Variants in PPARA observed in about 807,000 individuals in gnomAD.
The protein encoded by PPARA is peroxisome proliferator activated receptor alpha.
A neutral mutation model predicts 42.2 loss-of-function variants in PPARA; 22 were observed. The observed-to-expected ratio is 0.52, with a 90% confidence interval of 0.37 to 0.74. The LOEUF (loss-of-function observed/expected upper bound fraction) is 0.74. PPARA is among the 30% of genes least tolerant of loss of function. The pLI, the probability that PPARA is intolerant of heterozygous loss-of-function variation, is 0.00. For synonymous variants in PPARA, 242 were observed against 239.3 expected, an observed-to-expected ratio of 1.01 and a Z score of -0.10; for missense variants, 465 against 608.2, an observed-to-expected ratio of 0.76 and a Z score of 2.48.
At chr22:46,189,903 C>T (rs1371563875) in intron 3 of PPARA, among the ~76,000 whole-genome samples, 3 of 152,032 alleles carry the variant, frequency 2.0e-5, no homozygotes, top group African/African-American at 7.3e-5. Flanking sequence ...GATGGGGTTT[C>T]ACCATGTTGG....
intron 2 of PPARA, among the ~76,000 whole-genome samples, chr22:46,154,331 A>T (rs919535196): frequency 1.3e-5 from 2 of 152,194 alleles, no homozygotes; most frequent in African/African-American, 4.8e-5. Context: ...ATAAATATTT[A>T]AGTAGCCTGG....
In PPARA at chr22:46,233,056, A is replaced by G. The variant is rs71313038; in HGVS notation, c.1159+817A>G. On this transcript the variant is annotated intron_variant, in intron 8 of 8. Transcript: ENST00000407236. The surrounding 1 kb of genome is among the most constrained non-coding windows in gnomAD (Gnocchi z 7.3). The stretch of plus-strand genomic sequence containing the variant: ...GTTTATATTATATCTAATATTATAA[A>G]CAGATATAATTTATATATTATGATA... Among the ~76,000 whole-genome samples the G allele has an allele frequency of 6.6e-6, 1 of 151,006 alleles. No homozygotes were observed. The highest frequency in any genetic ancestry group is 2.4e-5 in the African/African-American group (1 of 41,264).
chr22:46,199,178 G>A (rs554120242), intron 4 of PPARA, among the ~76,000 whole-genome samples: 7 of 152,222 alleles, frequency 4.6e-5, no homozygotes, highest in African/African-American at 1.4e-4. Flanking sequence ...GCAAGCCCGC[G>A]GGGGGCAGCT....
Position 46,219,998 on chromosome 22 carries a change from A to G in PPARA, c.695A>G (p.Lys232Arg). Residue 232 changes from lysine (K) to arginine (R), a missense_variant, in exon 7 of 9, where the codon AAG becomes AGG. By Grantham distance (26) the Lys-to-Arg change is conservative (BLOSUM62 2). This residue lies in a region of PPARA where 313 missense variants were observed against 469.1 expected (regional missense o/e 0.67). Coordinates refer to ENST00000407236, the MANE Select transcript of PPARA (RefSeq NM_005036.6). This position sits in a 1 kb window ranked among gnomAD's most constrained non-coding sequence, Gnocchi z 4.8. ...KVKARVILSG[K>R]ASNNPPFVIH... The stretch of plus-strand genomic sequence containing the variant: ...AAAGCCCGGGTCATCCTCTCAGGAA[A>G]GGCCAGTAACAATCCAGTAGGTGTT... 1 of 1,614,148 alleles carries G rather than the reference A, an allele frequency of 6.2e-7. No individual in the cohort carries two copies. The highest frequency in any genetic ancestry group is 8.5e-7 in the Non-Finnish European group (1 of 1,180,046).
At chr22:46,169,155 CAA>C (rs994836866) in intron 2 of PPARA, among the ~76,000 whole-genome samples, 2 of 151,910 alleles carry the variant, frequency 1.3e-5, no homozygotes, top group East Asian at 1.9e-4. Flanking sequence ...ATGTACAACA[CAA>C]AGAGTGAAAA....
rs1250436810 is a variant in PPARA at position 46,195,019 on chromosome 22, C to T, written c.-42-3323C>T. Among the ~76,000 whole-genome samples the T allele has an allele frequency of 6.6e-6, 1 of 150,694 alleles. No homozygotes were observed. The highest frequency in any genetic ancestry group is 1.5e-5 in the Non-Finnish European group (1 of 67,836). Reference sequence around the variant, plus strand: ...CTGGGTTCAAGCGATTCTCTTGCCTCAGTCTCCTGAGTAGCTGGGATTACA... The same window carrying T: ...CTGGGTTCAAGCGATTCTCTTGCCTTAGTCTCCTGAGTAGCTGGGATTACA... On this transcript the variant is annotated intron_variant, in intron 3 of 8. Coordinates refer to ENST00000407236, the MANE Select transcript of PPARA (RefSeq NM_005036.6). The surrounding 1 kb of genome is among the most constrained non-coding windows in gnomAD (Gnocchi z 4.6).
rs1041546831 is a variant in PPARA at position 46,195,149 on chromosome 22, C to T, written c.-42-3193C>T. On this transcript the variant is annotated intron_variant, in intron 3 of 8. Transcript: ENST00000407236. This position sits in a 1 kb window ranked among gnomAD's most constrained non-coding sequence, Gnocchi z 4.6. ...AACTCCTGACCTTAAGTGATCTGCCCGCCTCAGCCTCCCAAAGTGCTGGGA... is the reference window on the plus strand; with the variant it reads ...AACTCCTGACCTTAAGTGATCTGCCTGCCTCAGCCTCCCAAAGTGCTGGGA... Among the ~76,000 whole-genome samples the T allele has an allele frequency of 8.6e-5, 13 of 151,948 alleles. No individual in the cohort carries two copies. Among genetic ancestry groups the T allele is most frequent in the Admixed American group, 3.9e-4 (6 of 15,258 alleles).
rs776110576 is a variant in PPARA at position 46,183,740 on chromosome 22, CCAAAACAAAA to C, written c.-43+6920_-43+6929del. Among the ~76,000 whole-genome samples the C allele has an allele frequency of 2.6e-5, 4 of 152,100 alleles. No individual in the cohort carries two copies. Among genetic ancestry groups the C allele is most frequent in the African/African-American group, 4.8e-5 (2 of 41,478 alleles). ...TGGGTGAAAGAAGGAAACTCTGTGT[CCAAAACAAAA>C]CAAAACAAAACAAAAAAAGCTAAAT... On this transcript the variant is annotated intron_variant, in intron 3 of 8. Transcript: ENST00000407236. This position sits in a 1 kb window ranked among gnomAD's most constrained non-coding sequence, Gnocchi z 5.5.
chr22:46,189,994 T>C (rs893932272), intron 3 of PPARA, among the ~76,000 whole-genome samples: 4 of 152,180 alleles, frequency 2.6e-5, no homozygotes, highest in Non-Finnish European at 4.4e-5. Flanking sequence ...CATGAGCGAC[T>C]GCGCCCAGCC....
chr22:46,152,647 G>A (rs1036922109), intron 2 of PPARA, among the ~76,000 whole-genome samples: 12 of 152,128 alleles, frequency 7.9e-5, no homozygotes, highest in Non-Finnish European at 1.6e-4. Context: ...TAAGCAGATG[G>A]CTTCTTGAGA....
In PPARA at chr22:46,203,006, G is replaced by A. The variant is rs1026313697; in HGVS notation, c.208+4415G>A. 6.6e-6 allele frequency among the ~76,000 whole-genome samples: 1 copy of A among 152,138 alleles called. No individual in the cohort carries two copies. Among genetic ancestry groups the A allele is most frequent in the African/African-American group, 2.4e-5 (1 of 41,424 alleles). On this transcript the variant is annotated intron_variant, in intron 4 of 8. Coordinates refer to ENST00000407236, the MANE Select transcript of PPARA (RefSeq NM_005036.6). The surrounding 1 kb of genome is among the most constrained non-coding windows in gnomAD (Gnocchi z 5.8). ...AAAGTGACCACACTGAAGCGTCCTG[G>A]TCACCCATCCCTGGTTTTGACCACC...
chr22:46,208,429 T>G (rs143313093), intron 4 of PPARA, among the ~76,000 whole-genome samples: 2,229 of 151,740 alleles, frequency 0.015, 53 homozygotes, highest in African/African-American at 0.051. Context: ...ACGCCTATAG[T>G]CCTAGCTACT....
In PPARA at chr22:46,184,046, A is replaced by T. The variant is rs952321332; in HGVS notation, c.-43+7210A>T. ...GGTTGCTGTTACCAGGAAGTGAGTT[A>T]ATGCACATTAGGTTCTTATTTATGA... On this transcript the variant is annotated intron_variant, in intron 3 of 8. Transcript: ENST00000407236. The surrounding 1 kb of genome is among the most constrained non-coding windows in gnomAD (Gnocchi z 4.4). Among the ~76,000 whole-genome samples the T allele has an allele frequency of 3.9e-5, 6 of 152,174 alleles. No homozygotes were observed. The highest frequency in any genetic ancestry group is 3.9e-4 in the Admixed American group (6 of 15,282).
At position 46,198,531 on chromosome 22, in the gene PPARA, G is replaced by C; in HGVS notation, c.148G>C (p.Gly50Arg). The change falls in exon 4 of 9, where the codon GGC (glycine) becomes CGC (arginine). Residue 50 changes from glycine (G) to arginine (R), a missense_variant. Around this residue, in one of 2 missense-constraint regions of PPARA, gnomAD observed 152 missense variants for 139.1 expected, o/e 1.09. Transcript: ENST00000407236. ...CGGCGAGGATAGTTCTGGAAGCTTT[G>C]GCTTTACGGAATACCAGTATTTAGG... is the stretch of plus-strand genomic sequence containing the variant. The part of the protein sequence containing the change: ...SIGEDSSGSF[G>R]FTEYQYLGSC... The C allele has an allele frequency of 6.2e-7, 1 of 1,614,070 alleles. No individual in the cohort carries two copies. Among genetic ancestry groups the C allele is most frequent in the Non-Finnish European group, 8.5e-7 (1 of 1,180,008 alleles).
intron 2 of PPARA, among the ~76,000 whole-genome samples, chr22:46,174,027 A>G (rs544635434): frequency 6.6e-6 from 1 of 151,246 alleles, no homozygotes; most frequent in African/African-American, 2.4e-5. Flanking sequence ...AAATACAAAG[A>G]ATTAGCTGGG....
rs1284900076 is a variant in PPARA, at chr22:46,227,775, G to A, written c.712-4017G>A. Among the ~76,000 whole-genome samples the A allele has an allele frequency of 3.9e-5, 6 of 152,180 alleles. No individual in the cohort carries two copies. Among genetic ancestry groups the A allele is most frequent in the Non-Finnish European group, 8.8e-5 (6 of 68,032 alleles). ...GTGCTTTATTTCATTTATTTGAAAT[G>A]ACTGCCTGTCGTGTCAGATATATTC... On this transcript the variant is annotated intron_variant, in intron 7 of 8. Transcript: ENST00000407236. The surrounding 1 kb of genome is among the most constrained non-coding windows in gnomAD (Gnocchi z 4.3).
intron 4 of PPARA, among the ~76,000 whole-genome samples, chr22:46,205,555 T>TATATATATATATATA (rs1491143261): frequency 9.7e-4 from 13 of 13,386 alleles, no homozygotes; most frequent in Non-Finnish European, 1.6e-3. Flanking sequence ...TATATATATA[T>TATATATATATATATA]TTTTTTTTTT....
intron 4 of PPARA, among the ~76,000 whole-genome samples, chr22:46,198,994 C>G (rs1333238579): frequency 6.6e-6 from 1 of 152,148 alleles, no homozygotes; most frequent in Non-Finnish European, 1.5e-5. Flanking sequence ...AGAAGTCACA[C>G]TTTTTTGCAA....
chr22:46,192,861 G>A lies in PPARA; in HGVS notation c.-42-5481G>A, dbSNP rs1931745484. ...GGAACTGGAGATCATTATGTTAAGT[G>A]AAATAATCCAGGCACAGAAAGACAA... On this transcript the variant is annotated intron_variant, in intron 3 of 8. Coordinates refer to ENST00000407236, the MANE Select transcript of PPARA (RefSeq NM_005036.6). This position sits in a 1 kb window ranked among gnomAD's most constrained non-coding sequence, Gnocchi z 4.3. 6.6e-6 allele frequency among the ~76,000 whole-genome samples: 1 copy of A among 152,164 alleles called. No individual in the cohort carries two copies. Among genetic ancestry groups the A allele is most frequent in the Non-Finnish European group, 1.5e-5 (1 of 68,034 alleles).
Sources: allele counts gnomAD v4.1 joint callset (sites outside exome capture counted in the v4.1 genomes callset), GRCh38; gene constraint gnomAD v4.1.1; regional missense constraint gnomAD v4.1.1; non-coding constraint Gnocchi (gnomAD v3.1); transcripts MANE v1.5; gene names NCBI Gene and HGNC (gene_info 2026-07-23, HGNC 2026-07-21).